The following RAB3C variants were observed in gnomAD, a reference collection of about 807,000 sequenced individuals.
RAB3C encodes ras-related protein Rab-3C.
A neutral mutation model predicts 26.4 loss-of-function variants in RAB3C; 17 were observed. The ratio of observed to expected loss-of-function variants is 0.64; its 90% confidence interval spans 0.44 to 0.97. The LOEUF (loss-of-function observed/expected upper bound fraction) is 0.97, where lower values mean the gene tolerates loss of function less well. Ranked by LOEUF, RAB3C falls within the 50% of genes least tolerant of loss-of-function variation. The probability of loss-of-function intolerance (pLI) is 0.00; values close to 1 mark genes in which losing one functional copy is unlikely to be tolerated. For synonymous variants in RAB3C, 91 were observed against 95.9 expected, an observed-to-expected ratio of 0.95 and a Z score of 0.30; for missense variants, 242 against 281.9, an observed-to-expected ratio of 0.86 and a Z score of 1.01.
chr5:58,627,471 TAAAAAAAAAAAAAAAAAAAAAAAAAAAA>T (rs58104232), intron 2 of RAB3C, among the ~76,000 whole-genome samples: 34,695 of 68,342 alleles, frequency 0.51, 11,443 homozygotes, highest in African/African-American at 0.67. Flanking sequence ...GACTCCGTCT[TAAAAAAAAAAAAAAAAAAAAAAAAAAAA>T]AAAAAAAAAA....
chr5:58,704,043 C>G (rs572622119), intron 2 of RAB3C, among the ~76,000 whole-genome samples: 1 of 152,128 alleles, frequency 6.6e-6, no homozygotes, highest in Non-Finnish European at 1.5e-5. Flanking sequence ...AAGAATTGAA[C>G]CTTTTACCCA....
At chr5:58,809,154 T>C (rs183412720) in intron 3 of RAB3C, among the ~76,000 whole-genome samples, 98 of 152,324 alleles carry the variant, frequency 6.4e-4, no homozygotes, top group Admixed American at 1.6e-3. Flanking sequence ...AAAAGGAATA[T>C]CAAATTCTCG....
intron 4 of RAB3C, among the ~76,000 whole-genome samples, chr5:58,832,104 G>A (rs542766207): frequency 4.6e-5 from 7 of 152,324 alleles, no homozygotes; most frequent in South Asian, 4.2e-4. Flanking sequence ...GGTGGGGCTC[G>A]TGCTGCCCGG....
intron 2 of RAB3C, among the ~76,000 whole-genome samples, chr5:58,677,750 A>G (rs1205179270): frequency 6.6e-6 from 1 of 152,220 alleles, no homozygotes; most frequent in Non-Finnish European, 1.5e-5. Flanking sequence ...ATTTGATCAC[A>G]GGTAGTGAAG....
chr5:58,712,708 A>G (rs544184809), intron 2 of RAB3C, among the ~76,000 whole-genome samples: 64 of 152,264 alleles, frequency 4.2e-4, no homozygotes, highest in African/African-American at 1.5e-3. Context: ...TATTTTTAGT[A>G]GAGACAGGGT....
At chr5:58,704,284 C>T (rs1438340064) in intron 2 of RAB3C, among the ~76,000 whole-genome samples, 1 of 152,156 alleles carries the variant, frequency 6.6e-6, no homozygotes, top group African/African-American at 2.4e-5. Context: ...ATTATGAAAA[C>T]TACAGAGCCA....
At chr5:58,609,150 C>T (rs987823126) in intron 1 of RAB3C, among the ~76,000 whole-genome samples, 4 of 152,004 alleles carry the variant, frequency 2.6e-5, no homozygotes, top group African/African-American at 4.8e-5. Context: ...GTAACAAACC[C>T]GCATGTTGTG....
At chr5:58,584,205 G>A (rs1038460141) in intron 1 of RAB3C, among the ~76,000 whole-genome samples, 32 of 152,100 alleles carry the variant, frequency 2.1e-4, no homozygotes, top group African/African-American at 6.3e-4. Context: ...ACATTAATTC[G>A]GACTTCAGCG....
At chr5:58,702,830 C>G (rs575320892) in intron 2 of RAB3C, among the ~76,000 whole-genome samples, 51 of 152,306 alleles carry the variant, frequency 3.3e-4, no homozygotes, top group African/African-American at 1.2e-3. Context: ...ATAATATTTA[C>G]ACATTTTCAG....
chr5:58,646,217 C>T (rs1747514741), intron 2 of RAB3C, among the ~76,000 whole-genome samples: 1 of 152,162 alleles, frequency 6.6e-6, no homozygotes, highest in African/African-American at 2.4e-5. Context: ...CTCATAGCGT[C>T]TTCTCTCACT....
chr5:58,826,878 C>T (rs1389150171), intron 4 of RAB3C, among the ~76,000 whole-genome samples: 1 of 152,164 alleles, frequency 6.6e-6, no homozygotes, highest in Non-Finnish European at 1.5e-5. Flanking sequence ...GTCACTCTTC[C>T]TCTTGATCAT....
At chr5:58,645,718 T>C (rs940160570) in intron 2 of RAB3C, among the ~76,000 whole-genome samples, 1 of 152,190 alleles carries the variant, frequency 6.6e-6, no homozygotes, top group Non-Finnish European at 1.5e-5. Flanking sequence ...GAATGCTTTC[T>C]GGAAAAACTG....
chr5:58,620,235 A>T (rs933651553), intron 2 of RAB3C, among the ~76,000 whole-genome samples: 4 of 152,212 alleles, frequency 2.6e-5, no homozygotes, highest in Admixed American at 6.5e-5. Context: ...ATAGTAGATT[A>T]ATAGCCATTA....
At chr5:58,666,377 G>A (rs1052828434) in intron 2 of RAB3C, among the ~76,000 whole-genome samples, 11 of 152,144 alleles carry the variant, frequency 7.2e-5, no homozygotes, top group African/African-American at 2.7e-4. Context: ...AGCTTGAAGT[G>A]TTCACATCTC....
chr5:58,759,366 G>T (rs1364582569), intron 3 of RAB3C, among the ~76,000 whole-genome samples: 1 of 152,160 alleles, frequency 6.6e-6, no homozygotes, highest in African/African-American at 2.4e-5. Context: ...CCAGGTGCAT[G>T]CAATAGGTGC....
At chr5:58,743,067 C>T (rs1186919143) in intron 3 of RAB3C, among the ~76,000 whole-genome samples, 1 of 152,070 alleles carries the variant, frequency 6.6e-6, no homozygotes, top group East Asian at 1.9e-4. Flanking sequence ...GAATGCTTTG[C>T]CTCAAAGTTA....
intron 4 of RAB3C, among the ~76,000 whole-genome samples, chr5:58,847,653 T>C (rs73758019): frequency 0.021 from 3,175 of 152,196 alleles, 98 homozygotes; most frequent in African/African-American, 0.07. Context: ...CACAGGTGAT[T>C]GAATGAAAAG....
intron 2 of RAB3C, among the ~76,000 whole-genome samples, chr5:58,694,712 G>C (rs1748654056): frequency 6.6e-6 from 1 of 152,118 alleles, no homozygotes; most frequent in African/African-American, 2.4e-5. Context: ...TCATGTGTCT[G>C]TTGGCTGCAT....
chr5:58,706,718 C>A (rs1166470991), intron 2 of RAB3C, among the ~76,000 whole-genome samples: 1 of 152,186 alleles, frequency 6.6e-6, no homozygotes. Context: ...GCACAACTCT[C>A]TTCTACAACA....
Sources: gnomAD v4.1 joint callset for allele counts (sites outside exome capture counted in the v4.1 genomes callset) on GRCh38, gnomAD v4.1.1 for gene constraint, MANE v1.5 for transcripts, NCBI Gene and HGNC (gene_info 2026-07-23, HGNC 2026-07-21) for gene names.